Variants in PCGF5 observed in about 807,000 individuals in gnomAD.
The protein encoded by PCGF5 is polycomb group ring finger 5.
PCGF5 carries 9 observed loss-of-function variants against 44.3 expected under a neutral mutation model. The ratio of observed to expected loss-of-function variants is 0.20; its 90% CI spans 0.12 to 0.35. PCGF5 has a LOEUF of 0.35. Ranked by LOEUF, PCGF5 falls within the 10% of genes least tolerant of loss-of-function variation. The pLI is 1.00. For synonymous variants in PCGF5, 95 were observed against 102.5 expected (o/e 0.93, Z 0.44); for missense variants, 146 against 305.3 (o/e 0.48, Z 3.89).
At chr10:91,243,804 T>G (rs1589391065) in intron 3 of PCGF5, among the ~76,000 whole-genome samples, 3 of 152,188 alleles carry the variant, frequency 2.0e-5, no homozygotes, top group African/African-American at 7.2e-5. Flanking sequence ...AGCAAAACAT[T>G]AAAGTTAGTT....
At chr10:91,210,389 C>A (rs1257423937) in intron 1 of PCGF5, among the ~76,000 whole-genome samples, 1 of 152,210 alleles carries the variant, frequency 6.6e-6, no homozygotes, top group East Asian at 1.9e-4. Flanking sequence ...GAAAACATTA[C>A]TCATTACTTC....
chr10:91,166,830 T>C (rs1843509454), intron 1 of PCGF5, among the ~76,000 whole-genome samples: 1 of 152,220 alleles, frequency 6.6e-6, no homozygotes, highest in Non-Finnish European at 1.5e-5. Context: ...TGTGTGAGAC[T>C]GAGATAATGT....
At chr10:91,236,725 A>G (rs1438921575) in intron 2 of PCGF5, among the ~76,000 whole-genome samples, 1 of 152,240 alleles carries the variant, frequency 6.6e-6, no homozygotes, top group Non-Finnish European at 1.5e-5. Context: ...TTAAGCATCT[A>G]TGGGAAACCA....
At chr10:91,198,039 T>G (rs550289678) in intron 1 of PCGF5, among the ~76,000 whole-genome samples, 2 of 152,354 alleles carry the variant, frequency 1.3e-5, no homozygotes, top group Non-Finnish European at 2.9e-5. Context: ...CTCACAGAGC[T>G]TACATTCTAA....
the PCGF5 span, among the ~76,000 whole-genome samples, chr10:91,157,905 C>A: frequency 6.6e-6 from 1 of 152,106 alleles, no homozygotes; most frequent in Non-Finnish European, 1.5e-5. Flanking sequence ...CTAGAGGAAG[C>A]ATGTAAATGA....
At chr10:91,271,105 TATATATATATAATCTA>T (rs200019800) in intron 8 of PCGF5, among the ~76,000 whole-genome samples, 1 of 149,438 alleles carries the variant, frequency 6.7e-6, no homozygotes, top group Admixed American at 6.7e-5. Flanking sequence ...TCTAATGCTA[TATATATATATAATCTA>T]ATATATATAT....
chr10:91,264,517 A>G lies in PCGF5; in HGVS notation c.660A>G (p.Glu220=). 6.2e-7 allele frequency: 1 copy of G among 1,605,620 alleles called. No homozygotes were observed. The highest frequency in any genetic ancestry group is 8.5e-7 in the Non-Finnish European group (1 of 1,175,194). ...IYMTRWRLRG[E]NFRCLNCSAS... ...TGACAAGATGGCGACTAAGAGGCGA[A>G]AACGTAAATTGCTTTTATATTTACC... Residue 220 remains glutamate, a synonymous_variant, in exon 8 of 10, where the codon GAA becomes GAG. Coordinates refer to ENST00000336126, the MANE Select transcript of PCGF5 (RefSeq NM_032373.5).
chr10:91,227,712 G>T (rs959778754), intron 2 of PCGF5: 9 of 1,030,814 alleles, frequency 8.7e-6, no homozygotes, highest in African/African-American at 1.7e-5. Context: ...TTGACCTCAG[G>T]ATACATTAAA....
rs144400171 is a variant in PCGF5 at position 91,256,959 on chromosome 10, A to G, written c.475-4367A>G. 1.6e-3 allele frequency among the ~76,000 whole-genome samples: 239 copies of G among 152,248 alleles called. 1 individual carries two copies. Among genetic ancestry groups the G allele is most frequent in the African/African-American group, 5.6e-3 (232 of 41,568 alleles). On this transcript the variant is annotated intron_variant, in intron 6 of 9. Coordinates refer to ENST00000336126, the MANE Select transcript of PCGF5 (RefSeq NM_032373.5). ...GCAACAAAAGAAAAGAAATAGATAA[A>G]TTGTAAATGTAAAACTTCATTAAAA...
chr10:91,236,113 A>G (rs1589385958), intron 2 of PCGF5, among the ~76,000 whole-genome samples: 1 of 152,090 alleles, frequency 6.6e-6, no homozygotes, highest in Non-Finnish European at 1.5e-5. Flanking sequence ...AAAAAATATG[A>G]TATGAATTTT....
chr10:91,198,006 A>G (rs959823194), intron 1 of PCGF5, among the ~76,000 whole-genome samples: 1 of 152,240 alleles, frequency 6.6e-6, no homozygotes, highest in African/African-American at 2.4e-5. Flanking sequence ...ATCAGTGAAC[A>G]AAACAGACAA....
At chr10:91,270,091 C>T (rs1417749633) in intron 8 of PCGF5, among the ~76,000 whole-genome samples, 1 of 152,122 alleles carries the variant, frequency 6.6e-6, no homozygotes, top group Non-Finnish European at 1.5e-5. Flanking sequence ...ATAATTCTCT[C>T]CTCCTTCACT....
chr10:91,171,652 AGT>A (rs1490600923), intron 1 of PCGF5, among the ~76,000 whole-genome samples: 1 of 152,068 alleles, frequency 6.6e-6, no homozygotes, highest in Non-Finnish European at 1.5e-5. Context: ...ATGAGATTAG[AGT>A]GTGTAATGGC....
chr10:91,162,937 AG>A (rs942781007), upstream of PCGF5: 2 of 140,668 alleles, frequency 1.4e-5, no homozygotes, highest in African/African-American at 5.2e-5. Flanking sequence ...GGGCCGGCCC[AG>A]CCCCCGCCCC....
rs565523806 is a variant in PCGF5 at position 91,248,287 on chromosome 10, T to C, written c.210-218T>C. ...AAAGTCATGCTCAAGAGTCTGGATA[T>C]AGAGAGAGCTGGGGACTGGGACCAT... On this transcript the variant is annotated intron_variant, in intron 3 of 9. Transcript: ENST00000336126. 7.2e-5 allele frequency among the ~76,000 whole-genome samples: 11 copies of C among 152,180 alleles called. No individual in the cohort carries two copies. The South Asian group carries it at 1.9e-3, about 26-fold the overall frequency.
upstream of PCGF5, among the ~76,000 whole-genome samples, chr10:91,215,873 A>C (rs1009051638): frequency 6.6e-6 from 1 of 152,228 alleles, no homozygotes; most frequent in African/African-American, 2.4e-5. Flanking sequence ...TTTCTTGTGG[A>C]TAAGTCTGTA....
At chr10:91,169,109 G>T (rs1843558316) in intron 1 of PCGF5, among the ~76,000 whole-genome samples, 1 of 152,038 alleles carries the variant, frequency 6.6e-6, no homozygotes, top group African/African-American at 2.4e-5. Flanking sequence ...ACATGCAATT[G>T]CCCAGGGCAG....
intron 9 of PCGF5, among the ~76,000 whole-genome samples, chr10:91,272,126 C>T (rs1299316068): frequency 6.6e-6 from 1 of 152,070 alleles, no homozygotes; most frequent in African/African-American, 2.4e-5. Flanking sequence ...GCTTATTAGC[C>T]CTTCCCTAGT....
intron 2 of PCGF5, among the ~76,000 whole-genome samples, chr10:91,234,566 G>A (rs902944729): frequency 1.3e-5 from 2 of 152,134 alleles, no homozygotes; most frequent in South Asian, 4.1e-4. Context: ...AAGTTCCATC[G>A]GCATGATATC....
Sources: gnomAD v4.1 joint callset for allele counts (sites outside exome capture counted in the v4.1 genomes callset) on GRCh38, gnomAD v4.1.1 for gene constraint, MANE v1.5 for transcripts, NCBI Gene and HGNC (gene_info 2026-07-23, HGNC 2026-07-21) for gene names.